The following WDR72 variants were observed in gnomAD, a reference collection of about 807,000 sequenced individuals.
WDR72 encodes the protein WD repeat-containing protein 72.
A neutral mutation model predicts 124.2 loss-of-function variants in WDR72; 120 were observed. The ratio of observed to expected loss-of-function variants is 0.97; its 90% CI spans 0.83 to 1.12. WDR72 has a LOEUF of 1.12. WDR72 is among the 50% of genes most tolerant of loss of function. WDR72 has a pLI of 0.00. For synonymous variants in WDR72, 452 were observed against 441.7 expected, an observed-to-expected ratio of 1.02 and a Z score of -0.29; for missense variants, 1,387 against 1,278.8, an observed-to-expected ratio of 1.08 and a Z score of -1.29.
rs188096225 is a variant in WDR72 at position 53,587,568 on chromosome 15, G to A, written c.3148+9511C>T. Reference sequence around the variant, plus strand: ...AATGTTATATAAATGATGTATGTAGGTAGGTTATAATGCTTATGAATTTCA... The same window carrying A: ...AATGTTATATAAATGATGTATGTAGATAGGTTATAATGCTTATGAATTTCA... On this transcript the variant is annotated intron_variant, in intron 18 of 19. Transcript: ENST00000360509. Among the ~76,000 whole-genome samples the A allele has an allele frequency of 2.6e-4, 39 of 152,058 alleles. 1 individual carries two copies. Among genetic ancestry groups the A allele is most frequent in the African/African-American group, 9.2e-4 (38 of 41,506 alleles).
intron 1 of WDR72, among the ~76,000 whole-genome samples, chr15:53,745,149 A>C (rs1595886726): frequency 6.7e-6 from 1 of 149,398 alleles, no homozygotes; most frequent in East Asian, 1.9e-4. Flanking sequence ...TTTCTTATCT[A>C]TAAAATGGAA....
intron 14 of WDR72, among the ~76,000 whole-genome samples, chr15:53,620,561 G>A (rs1458932158): frequency 6.6e-6 from 1 of 151,970 alleles, no homozygotes. Flanking sequence ...GACACCCTAT[G>A]CAACAAATGG....
chr15:53,613,450 G>C (rs185575423), intron 16 of WDR72, among the ~76,000 whole-genome samples: 1 of 152,042 alleles, frequency 6.6e-6, no homozygotes, highest in East Asian at 1.9e-4. Flanking sequence ...TTTTATAAAT[G>C]TCACCCACCT....
At chr15:53,653,798 G>A (rs1255794676) in intron 14 of WDR72, among the ~76,000 whole-genome samples, 2 of 152,088 alleles carry the variant, frequency 1.3e-5, no homozygotes, top group Non-Finnish European at 2.9e-5. Context: ...GACATCCCCT[G>A]CCCCACATGA....
chr15:53,721,296 T>C (rs956553), intron 3 of WDR72, among the ~76,000 whole-genome samples: 45,532 of 152,042 alleles, frequency 0.3, 8,355 homozygotes, highest in East Asian at 0.47. Flanking sequence ...CTTTTGGAGT[T>C]AGATCACTAT....
At chr15:53,724,330 GATAGATGTGTTAACTAA>G (rs369556132) in intron 2 of WDR72, among the ~76,000 whole-genome samples, 2,914 of 152,252 alleles carry the variant, frequency 0.019, 92 homozygotes, top group African/African-American at 0.067. Flanking sequence ...TATGTGAGGT[GATAGATGTGTTAACTAA>G]TTTGATTGTT....
chr15:53,609,452 C>CTGTATATT, intron 17 of WDR72, 61 bp downstream of exon 17: 1 of 1,419,026 alleles, frequency 7.0e-7, no homozygotes, highest in Non-Finnish European at 9.9e-7. Flanking sequence ...AGGGGGGTAT[C>CTGTATATT]CATGAACCAC....
At chr15:53,568,430 A>G (rs1894380841) in intron 18 of WDR72, among the ~76,000 whole-genome samples, 2 of 151,954 alleles carry the variant, frequency 1.3e-5, no homozygotes, top group African/African-American at 4.8e-5. Flanking sequence ...CAACAGTGAC[A>G]GGGAGCTCAC....
intron 17 of WDR72, among the ~76,000 whole-genome samples, chr15:53,607,383 G>T (rs1162781257): frequency 6.6e-6 from 1 of 152,076 alleles, no homozygotes; most frequent in African/African-American, 2.4e-5. Flanking sequence ...CACCTACTGT[G>T]AACTCATTTT....
chr15:53,701,559 T>TCTCTCTCTCTTTCACACA (rs369568228), intron 12 of WDR72, among the ~76,000 whole-genome samples: 1 of 120,102 alleles, frequency 8.3e-6, no homozygotes, highest in South Asian at 3.2e-4. Context: ...TCTCTCTCTC[T>TCTCTCTCTCTTTCACACA]CACACACACA....
chr15:53,529,166 T>A (rs60569924), intron 18 of WDR72, among the ~76,000 whole-genome samples: 10,126 of 48,020 alleles, frequency 0.21, 425 homozygotes, highest in Non-Finnish European at 0.25. Context: ...ATATATATAT[T>A]TTTTTTTTTT....
intron 1 of WDR72, among the ~76,000 whole-genome samples, chr15:53,750,011 G>C (rs2018737060): frequency 6.6e-6 from 1 of 152,210 alleles, no homozygotes; most frequent in African/African-American, 2.4e-5. Flanking sequence ...AGTGCTGATG[G>C]AGAAGCTACA....
chr15:53,607,499 C>T (rs1234976081), intron 17 of WDR72, among the ~76,000 whole-genome samples: 3 of 152,042 alleles, frequency 2.0e-5, no homozygotes, highest in South Asian at 4.1e-4. Flanking sequence ...TATCTCTTAC[C>T]GTATACAAAA....
chr15:53,754,794 T>G (rs1476414010), intron 1 of WDR72, among the ~76,000 whole-genome samples: 1 of 152,134 alleles, frequency 6.6e-6, no homozygotes, highest in Non-Finnish European at 1.5e-5. Flanking sequence ...GCTGATTACA[T>G]CAAAGGCTTG....
At chr15:53,675,830 G>C (rs2016154468) in intron 13 of WDR72, among the ~76,000 whole-genome samples, 1 of 152,190 alleles carries the variant, frequency 6.6e-6, no homozygotes, top group South Asian at 2.1e-4. Flanking sequence ...CTTGAATAAA[G>C]TGCTGGGTGA....
chr15:53,714,739 C>G (rs191134596), intron 5 of WDR72, among the ~76,000 whole-genome samples: 1 of 152,146 alleles, frequency 6.6e-6, no homozygotes, highest in Non-Finnish European at 1.5e-5. Context: ...AGAAGCAGAA[C>G]CACATTGCAA....
chr15:53,630,190 CAAGTA>C (rs2014371459), intron 14 of WDR72, among the ~76,000 whole-genome samples: 1 of 152,028 alleles, frequency 6.6e-6, no homozygotes, highest in Admixed American at 6.5e-5. Context: ...AGACCTATAC[CAAGTA>C]AAGAAATTGA....
At chr15:53,609,614 T>G in intron 16 of WDR72, 22 bp from the exon 17 acceptor site, 1 of 1,589,908 alleles carries the variant, frequency 6.3e-7, no homozygotes, top group Non-Finnish European at 8.6e-7. Flanking sequence ...CAGAACACAC[T>G]TGTATCTTTA....
intron 14 of WDR72, among the ~76,000 whole-genome samples, chr15:53,650,746 G>A (rs1229070123): frequency 6.6e-6 from 1 of 152,034 alleles, no homozygotes; most frequent in Non-Finnish European, 1.5e-5. Flanking sequence ...GTCAACTAGA[G>A]CACATATGTC....
Sources: allele counts gnomAD v4.1 joint callset (sites outside exome capture counted in the v4.1 genomes callset), GRCh38; gene constraint gnomAD v4.1.1; transcripts MANE v1.5; gene names NCBI Gene and HGNC (gene_info 2026-07-23, HGNC 2026-07-21).